ZC3H3: variants seen among roughly 807,000 people sequenced by gnomAD.
The protein encoded by ZC3H3 is zinc finger CCCH domain-containing protein 3.
In ZC3H3, 36 loss-of-function variants were observed where a neutral mutation model predicts 77.3. That is an observed-to-expected ratio of 0.47 (90% CI 0.36 to 0.61). The LOEUF (loss-of-function observed/expected upper bound fraction) is 0.61, where lower values mean the gene tolerates loss of function less well. Among genes scored for constraint, ZC3H3 ranks in the 20% least tolerant of loss-of-function variants. ZC3H3 has a pLI of 0.00. For synonymous variants in ZC3H3, 626 were observed against 555.2 expected (o/e 1.13, Z -1.79); for missense variants, 1,331 against 1,312.2 (o/e 1.01, Z -0.22).
chr8:143,440,311 G>C lies in ZC3H3; in HGVS notation c.2545C>G (p.Leu849Val). ...GGTGCAGCCACGGCAGCCGCAGTGA[G>C]GGCAGCCGAGCTGGGCGTCTGCCTG... Reference protein sequence around the residue: ...PTRQTPSSAALTAAAVAAPPH... With the variant: ...PTRQTPSSAAVTAAAVAAPPH... The change falls in exon 11 of 12, where the codon CTC becomes GTC. Residue 849 changes from leucine to valine, a missense_variant. Transcript: ENST00000262577. The C allele has an allele frequency of 6.4e-7, 1 of 1,557,702 alleles. No homozygotes were observed. The highest frequency in any genetic ancestry group is 8.7e-7 in the Non-Finnish European group (1 of 1,149,012).
rs997588977 is a variant in ZC3H3, at chr8:143,494,725, G to A, written c.1715+13021C>T. 1.3e-5 allele frequency among the ~76,000 whole-genome samples: 2 copies of A among 152,214 alleles called. No homozygotes were observed. Among genetic ancestry groups the A allele is most frequent in the Admixed American group, 6.5e-5 (1 of 15,286 alleles). Reference sequence around the variant, plus strand: ...CCCCACACTCACCCTGAGACCCTGGGCAGGAACAAAGGCCTCATTCCACCA... The same window carrying A: ...CCCCACACTCACCCTGAGACCCTGGACAGGAACAAAGGCCTCATTCCACCA... On this transcript the variant is annotated intron_variant, in intron 4 of 11. Coordinates refer to ENST00000262577, the MANE Select transcript of ZC3H3 (RefSeq NM_015117.3). This position sits in a 1 kb window ranked among gnomAD's most constrained non-coding sequence, Gnocchi z 5.3.
Position 143,484,678 on chromosome 8 carries a change from G to A in ZC3H3, c.1716-9093C>T, listed in dbSNP as rs407666. On this transcript the variant is annotated intron_variant, in intron 4 of 11. Transcript: ENST00000262577. ...GTCCTTGGCGGGCCCGCGACCCTCT[G>A]CACCTGTGCCACCCTTTGGGCTGGG... The A allele has an allele frequency of 6.8e-3, 1,503 of 221,482 alleles. 16 individuals are homozygous for A. The highest frequency in any genetic ancestry group is 0.033 in the African/African-American group (1,403 of 43,036). The allele number at this position is 221,482 out of a possible 1,614,324, so 13.7% of individuals were successfully genotyped here.
In ZC3H3 at chr8:143,534,338, C is replaced by T. The variant is rs114740259; in HGVS notation, c.1561+1919G>A. 2.3e-3 allele frequency among the ~76,000 whole-genome samples: 343 copies of T among 151,494 alleles called. 1 individual carries two copies. Among genetic ancestry groups the T allele is most frequent in the African/African-American group, 7.9e-3 (326 of 41,256 alleles). On this transcript the variant is annotated intron_variant, in intron 3 of 11. Coordinates refer to ENST00000262577, the MANE Select transcript of ZC3H3 (RefSeq NM_015117.3). Reference sequence around the variant, plus strand: ...GCCCTTCCCTCTAGTGAGGCAGGACCGCAGCAGCCCCTCAGCTGTGCACTC... The same window carrying T: ...GCCCTTCCCTCTAGTGAGGCAGGACTGCAGCAGCCCCTCAGCTGTGCACTC...
chr8:143,440,259 G>C lies in ZC3H3; in HGVS notation c.2597C>G (p.Ser866Cys). The C allele has an allele frequency of 6.3e-7, 1 of 1,594,164 alleles. No homozygotes were observed. Among genetic ancestry groups the C allele is most frequent in the Non-Finnish European group, 8.5e-7 (1 of 1,171,728 alleles). Reference protein sequence around the residue: ...APPHCPGGSASPSSSKASSSS... With the variant: ...APPHCPGGSACPSSSKASSSS... ...GGAGGAAGCCTTCGAGGATGAGGGAGAGGCTGACCCCCCTGGGCAGTGGGG... is the reference window on the plus strand; with the variant it reads ...GGAGGAAGCCTTCGAGGATGAGGGACAGGCTGACCCCCCTGGGCAGTGGGG... The change falls in exon 11 of 12, where the codon TCT becomes TGT. Residue 866 changes from serine (S) to cysteine (C), a missense_variant. By Grantham distance (112) the Ser-to-Cys change is moderately radical. This residue lies in a region of ZC3H3 where 249 missense variants were observed against 236.9 expected (regional missense o/e 1.05). Transcript: ENST00000262577.
chr8:143,509,867 A>G lies in ZC3H3; in HGVS notation c.1562-1968T>C, dbSNP rs1371597330. On this transcript the variant is annotated intron_variant, in intron 3 of 11. Transcript: ENST00000262577. ...CAGCTCCATTCCCGTCGCCAAATGC[A>G]CAGCCTCCCTTCGGCTAAAATCACT... Among the ~76,000 whole-genome samples the G allele has an allele frequency of 3.9e-5, 6 of 152,294 alleles. No individual in the cohort carries two copies. In the East Asian group the frequency reaches 9.6e-4, roughly 24 times the overall value.
At chr8:143,527,909 A>C (rs1357692011) in intron 3 of ZC3H3, among the ~76,000 whole-genome samples, 3 of 152,218 alleles carry the variant, frequency 2.0e-5, no homozygotes, top group Admixed American at 1.3e-4. Flanking sequence ...AGCAAGGAGA[A>C]CGGGCAGACA....
intron 3 of ZC3H3, among the ~76,000 whole-genome samples, chr8:143,517,499 G>C (rs1275164804): frequency 6.6e-6 from 1 of 152,190 alleles, no homozygotes; most frequent in South Asian, 2.1e-4. Context: ...TGCAGCGAAG[G>C]ACAGCTGGGC....
rs1822584327 is a variant in ZC3H3, at chr8:143,530,959, T to C, written c.1561+5298A>G. On this transcript the variant is annotated intron_variant, in intron 3 of 11. Transcript: ENST00000262577. This position sits in a 1 kb window ranked among gnomAD's most constrained non-coding sequence, Gnocchi z 4.3. ...TTCTGGGGCTGTCTTCTATCTCCTT[T>C]TTTTTTTTTTTTTTTTTTGAGACAG... is the stretch of plus-strand genomic sequence containing the variant. Among the ~76,000 whole-genome samples the C allele has an allele frequency of 7.1e-6, 1 of 140,868 alleles. No homozygotes were observed. Among genetic ancestry groups the C allele is most frequent in the African/African-American group, 2.9e-5 (1 of 34,674 alleles). 92.4% of individuals were successfully genotyped at this position (140,868 alleles called of 152,430 possible). A position where few individuals can be genotyped will look rare whatever the true frequency, so the allele number is the denominator to read the frequency against.
chr8:143,526,895 C>T (rs1265900335), intron 3 of ZC3H3, among the ~76,000 whole-genome samples: 3 of 152,136 alleles, frequency 2.0e-5, no homozygotes, highest in South Asian at 2.1e-4. Flanking sequence ...GTGGGAGAAC[C>T]GAGAGCTGGT....
intron 5 of ZC3H3, among the ~76,000 whole-genome samples, chr8:143,472,314 C>T (rs1362298553): frequency 1.3e-5 from 2 of 152,340 alleles, no homozygotes; most frequent in African/African-American, 4.8e-5. Flanking sequence ...GGCCAGTCAG[C>T]AAGGGTGGCC....
intron 3 of ZC3H3, among the ~76,000 whole-genome samples, chr8:143,528,014 G>A (rs375522841): frequency 2.0e-5 from 3 of 152,302 alleles, no homozygotes; most frequent in African/African-American, 7.2e-5. Flanking sequence ...CTCCAGCACC[G>A]GACATGGGGC....
intron 4 of ZC3H3, among the ~76,000 whole-genome samples, chr8:143,485,683 C>G (rs756042574): frequency 6.6e-6 from 1 of 152,220 alleles, no homozygotes; most frequent in Non-Finnish European, 1.5e-5. Context: ...AACCAGATGC[C>G]GTGGAAGAGC....
At chr8:143,513,513 G>C (rs1821937133) in intron 3 of ZC3H3, among the ~76,000 whole-genome samples, 1 of 152,232 alleles carries the variant, frequency 6.6e-6, no homozygotes, top group African/African-American at 2.4e-5. Context: ...CCCTGACAGT[G>C]GCTGATGGCG....
intron 3 of ZC3H3, among the ~76,000 whole-genome samples, chr8:143,512,555 T>C (rs1821903549): frequency 6.6e-6 from 1 of 152,170 alleles, no homozygotes; most frequent in Admixed American, 6.5e-5. Flanking sequence ...GGATGGCACC[T>C]TCCAGTACGG....
chr8:143,520,287 G>T (rs1822199157), intron 3 of ZC3H3, among the ~76,000 whole-genome samples: 2 of 152,244 alleles, frequency 1.3e-5, no homozygotes, highest in South Asian at 4.1e-4. Context: ...GAGAGGGCAG[G>T]TTGGGGGCAG....
chr8:143,517,980 C>T (rs1408031048), intron 3 of ZC3H3, among the ~76,000 whole-genome samples: 1 of 152,196 alleles, frequency 6.6e-6, no homozygotes, highest in African/African-American at 2.4e-5. Flanking sequence ...CACGGCCAAG[C>T]CCCGAGGCCC....
intron 3 of ZC3H3, among the ~76,000 whole-genome samples, chr8:143,528,455 G>A (rs1822490439): frequency 6.6e-6 from 1 of 152,186 alleles, no homozygotes; most frequent in Non-Finnish European, 1.5e-5. Context: ...TCCATCCACG[G>A]CCAGCCTCCC....
At chr8:143,498,610 G>T (rs1173971941) in intron 4 of ZC3H3, among the ~76,000 whole-genome samples, 1 of 152,020 alleles carries the variant, frequency 6.6e-6, no homozygotes, top group Admixed American at 6.5e-5. Context: ...GCTGAAGGGG[G>T]TCACCCCGTG....
chr8:143,520,417 C>T (rs1051770434), intron 3 of ZC3H3, among the ~76,000 whole-genome samples: 4 of 152,330 alleles, frequency 2.6e-5, no homozygotes, highest in African/African-American at 4.8e-5. Flanking sequence ...GTGGTGGAGC[C>T]GATGGCCAGC....
Sources: gnomAD v4.1 joint callset for allele counts (sites outside exome capture counted in the v4.1 genomes callset) on GRCh38, gnomAD v4.1.1 for gene constraint, gnomAD v4.1.1 regional missense constraint, Gnocchi (gnomAD v3.1) non-coding constraint, MANE v1.5 for transcripts, NCBI Gene and HGNC (gene_info 2026-07-23, HGNC 2026-07-21) for gene names.